ANKMY2: variants seen among roughly 807,000 people sequenced by gnomAD.
The protein encoded by ANKMY2 is ankyrin repeat and MYND domain-containing protein 2.
ANKMY2 carries 36 observed loss-of-function variants against 50.4 expected under a neutral mutation model. The ratio of observed to expected loss-of-function variants is 0.71; its 90% CI spans 0.55 to 0.94. ANKMY2 has a LOEUF of 0.94. Among genes scored for constraint, ANKMY2 ranks in the 40% least tolerant of loss-of-function variants. The pLI, the probability that ANKMY2 is intolerant of heterozygous loss-of-function variation, is 0.00. For synonymous variants in ANKMY2, 187 were observed against 178.8 expected (o/e 1.05, Z -0.36); for missense variants, 565 against 524.0 (o/e 1.08, Z -0.76).
chr7:16,612,910 A>T (rs1487850875), intron 5 of ANKMY2, among the ~76,000 whole-genome samples: 1 of 152,218 alleles, frequency 6.6e-6, no homozygotes, highest in Non-Finnish European at 1.5e-5. Flanking sequence ...TAAAAACTAG[A>T]TAAATTTTTA....
intron 4 of ANKMY2, among the ~76,000 whole-genome samples, chr7:16,621,196 G>A (rs1781430066): frequency 6.6e-6 from 1 of 152,112 alleles, no homozygotes; most frequent in African/African-American, 2.4e-5. Flanking sequence ...TGTGGAGGTG[G>A]TAGTGCAAAT....
At chr7:16,631,502 T>C (rs138347154) in intron 2 of ANKMY2, among the ~76,000 whole-genome samples, 1 of 152,200 alleles carries the variant, frequency 6.6e-6, no homozygotes, top group African/African-American at 2.4e-5. Context: ...TCCTTAAAGT[T>C]TGATAAAGCT....
intron 4 of ANKMY2, among the ~76,000 whole-genome samples, chr7:16,622,558 G>T (rs936583242): frequency 6.6e-6 from 1 of 151,958 alleles, no homozygotes; most frequent in Admixed American, 6.6e-5. Context: ...CCAACATGGT[G>T]AAACCCCATC....
chr7:16,644,753 G>A (rs1411918372), intron 1 of ANKMY2: 1 of 470,262 alleles, frequency 2.1e-6, no homozygotes, highest in South Asian at 1.6e-5. Flanking sequence ...GGGAAATATG[G>A]CTTCTGGCTC....
chr7:16,631,371 T>A (rs1170915485), intron 2 of ANKMY2, among the ~76,000 whole-genome samples: 1 of 152,230 alleles, frequency 6.6e-6, no homozygotes, highest in South Asian at 2.1e-4. Context: ...TCCATAGTTT[T>A]GTGAAACTTC....
chr7:16,630,050 T>C (rs1342871685), intron 2 of ANKMY2, among the ~76,000 whole-genome samples: 1 of 152,172 alleles, frequency 6.6e-6, no homozygotes, highest in Non-Finnish European at 1.5e-5. Context: ...GAAGAGAATA[T>C]TCCCATGTTC....
chr7:16,642,308 C>T (rs1309368550), intron 1 of ANKMY2, among the ~76,000 whole-genome samples: 1 of 152,180 alleles, frequency 6.6e-6, no homozygotes, highest in Non-Finnish European at 1.5e-5. Context: ...GAATGGGTAA[C>T]TCTACAAGTC....
intron 5 of ANKMY2, among the ~76,000 whole-genome samples, chr7:16,615,476 C>T (rs145350743): frequency 2.2e-4 from 33 of 152,260 alleles, no homozygotes; most frequent in African/African-American, 6.7e-4. Context: ...CCAGAGCTCC[C>T]GGTGGGATGA....
chr7:16,601,864 A>G (rs1039532052), intron 9 of ANKMY2, among the ~76,000 whole-genome samples: 9 of 152,210 alleles, frequency 5.9e-5, no homozygotes, highest in Non-Finnish European at 1.5e-5. Context: ...AAAAAAAAAT[A>G]CAAAATTCAC....
intron 5 of ANKMY2, 113 bp downstream of exon 5, chr7:16,615,631 G>A: frequency 7.4e-7 from 1 of 1,343,768 alleles, no homozygotes; most frequent in South Asian, 1.3e-5. Context: ...CCCACTGCAA[G>A]CTCTACAACT....
intron 4 of ANKMY2, among the ~76,000 whole-genome samples, chr7:16,624,462 C>A (rs761275821): frequency 1.3e-5 from 2 of 152,176 alleles, no homozygotes; most frequent in Non-Finnish European, 2.9e-5. Context: ...ATCAAGTACT[C>A]TTTCCTAAGA....
At chr7:16,606,635 T>A (rs1406519915) in intron 7 of ANKMY2, among the ~76,000 whole-genome samples, 1 of 152,232 alleles carries the variant, frequency 6.6e-6, no homozygotes, top group Admixed American at 6.5e-5. Flanking sequence ...AGTATTTGCT[T>A]TTTCTTCCTA....
chr7:16,634,221 T>C (rs1781625423), intron 2 of ANKMY2, among the ~76,000 whole-genome samples: 2 of 152,176 alleles, frequency 1.3e-5, no homozygotes, highest in South Asian at 2.1e-4. Context: ...CTAGCCAAGA[T>C]ATAGTAACAG....
intron 8 of ANKMY2, among the ~76,000 whole-genome samples, chr7:16,602,950 C>T (rs926504966): frequency 8.5e-5 from 13 of 152,298 alleles, no homozygotes; most frequent in African/African-American, 2.6e-4. Context: ...AGCAGATGCC[C>T]ATGCCATGCT....
At chr7:16,637,973 T>G (rs1418657788) in intron 1 of ANKMY2, among the ~76,000 whole-genome samples, 2 of 152,240 alleles carry the variant, frequency 1.3e-5, no homozygotes, top group African/African-American at 4.8e-5. Flanking sequence ...GATAATTCTC[T>G]AAGGTGTTTG....
At chr7:16,626,806 A>G (rs1781512777) in intron 3 of ANKMY2, among the ~76,000 whole-genome samples, 2 of 152,228 alleles carry the variant, frequency 1.3e-5, no homozygotes, top group Admixed American at 1.3e-4. Flanking sequence ...TTCCATCAAA[A>G]TGTTGTCCAC....
intron 1 of ANKMY2, among the ~76,000 whole-genome samples, chr7:16,639,152 A>T (rs1260617716): frequency 6.6e-6 from 1 of 152,268 alleles, no homozygotes; most frequent in Non-Finnish European, 1.5e-5. Context: ...CGGAAATTAT[A>T]GAAGGTCCAG....
At chr7:16,644,697 G>A (rs1583689715) in intron 1 of ANKMY2, 1 of 471,166 alleles carries the variant, frequency 2.1e-6, no homozygotes, top group South Asian at 1.5e-5. Context: ...GCCAGGTAAC[G>A]GGACTCGGCA....
At chr7:16,619,390 G>A (rs1190624059) in intron 4 of ANKMY2, among the ~76,000 whole-genome samples, 1 of 152,118 alleles carries the variant, frequency 6.6e-6, no homozygotes, top group Non-Finnish European at 1.5e-5. Context: ...CCAACCTCAG[G>A]TGATCCGCCC....
Sources: gnomAD v4.1 joint callset for allele counts (sites outside exome capture counted in the v4.1 genomes callset) on GRCh38, gnomAD v4.1.1 for gene constraint, MANE v1.5 for transcripts, NCBI Gene and HGNC (gene_info 2026-07-23, HGNC 2026-07-21) for gene names.